Variants in NAT1 observed in about 807,000 individuals in gnomAD.
The protein encoded by NAT1 is N-acetyltransferase 1, also known as arylamine N-acetyltransferase 1.
For missense variants in NAT1, 400 were observed against 339.2 expected, an observed-to-expected ratio of 1.18 and a Z score of -1.41; for synonymous variants, 144 against 122.6, an observed-to-expected ratio of 1.17 and a Z score of -1.16.
At chr8:18,183,426 G>T (rs1221257267) in intron 2 of NAT1, among the ~76,000 whole-genome samples, 1 of 152,180 alleles carries the variant, frequency 6.6e-6, no homozygotes, top group Non-Finnish European at 1.5e-5. Flanking sequence ...GTCCCGGTAA[G>T]TCCAAAGTCC....
intron 2 of NAT1, among the ~76,000 whole-genome samples, chr8:18,197,291 T>C (rs914003574): frequency 2.0e-5 from 3 of 152,198 alleles, no homozygotes; most frequent in Admixed American, 6.5e-5. Flanking sequence ...GACACAGATT[T>C]TTTTTATTAT....
intron 2 of NAT1, among the ~76,000 whole-genome samples, chr8:18,174,908 A>G (rs937454788): frequency 3.9e-4 from 60 of 152,180 alleles, no homozygotes; most frequent in African/African-American, 1.2e-3. Context: ...CACAGTCCTC[A>G]AAGGGTTTAC....
intron 2 of NAT1, among the ~76,000 whole-genome samples, chr8:18,170,951 C>G (rs17593975): frequency 0.029 from 4,387 of 152,014 alleles, 82 homozygotes; most frequent in Non-Finnish European, 0.041. Flanking sequence ...ACTTAAGAGG[C>G]CAGGCATCTG....
Position 18,201,664 on chromosome 8 carries a change from T to C in NAT1, n.93-8117T>C, listed in dbSNP as rs573013488. Among the ~76,000 whole-genome samples, 46 of 152,282 alleles carry C rather than the reference T, an allele frequency of 3.0e-4. 1 individual carries two copies. The East Asian group carries it at 7.5e-3, about 25-fold the overall frequency. On this transcript the variant is annotated intron_variant and non_coding_transcript_variant, in intron 2 of 4. Coordinates refer to the NAT1 transcript ENST00000517441. Reference sequence around the variant, plus strand: ...GCTGACCAGCGTGGGCTGACTGGCATTGGGTTGGCCAGCAGCCTCAGGGGG... The same window carrying C: ...GCTGACCAGCGTGGGCTGACTGGCACTGGGTTGGCCAGCAGCCTCAGGGGG...
chr8:18,194,454 G>T (rs1018380915), intron 2 of NAT1, among the ~76,000 whole-genome samples: 2 of 152,172 alleles, frequency 1.3e-5, no homozygotes, highest in African/African-American at 4.8e-5. Flanking sequence ...TTGTGATGGT[G>T]GAGGTCTGTT....
Position 18,202,859 on chromosome 8 carries a change from G to C in NAT1, n.93-6922G>C, listed in dbSNP as rs571681897. On this transcript the variant is annotated intron_variant and non_coding_transcript_variant, in intron 2 of 4. Transcript: ENST00000517441. ...CCCAGCAGGTTGCCACTGCTGGCTT[G>C]GGTGACCGGCTGTTATTCCCTTATT... 4.6e-5 allele frequency among the ~76,000 whole-genome samples: 7 copies of C among 152,228 alleles called. No individual in the cohort carries two copies. The South Asian group carries it at 1.5e-3, about 32-fold the overall frequency.
At chr8:18,217,482 A>G (rs1398442911) in intron 1 of NAT1, among the ~76,000 whole-genome samples, 2 of 152,194 alleles carry the variant, frequency 1.3e-5, no homozygotes, top group Non-Finnish European at 2.9e-5. Context: ...ATACTGAACG[A>G]GTGTTGAGCC....
At chr8:18,209,249 G>A (rs1803873844), upstream of NAT1, among the ~76,000 whole-genome samples, 3 of 152,222 alleles carry the variant, frequency 2.0e-5, no homozygotes, top group South Asian at 6.2e-4. Flanking sequence ...ATAGAGTCCC[G>A]AGTTCACGTG....
chr8:18,170,783 T>C (rs1802067336), intron 2 of NAT1: 1 of 152,222 alleles, frequency 6.6e-6, no homozygotes, highest in African/African-American at 2.4e-5. Flanking sequence ...ATCTCTTTTC[T>C]GGGCCTGAAT....
chr8:18,176,230 A>G (rs754902993), intron 2 of NAT1, among the ~76,000 whole-genome samples: 11 of 151,946 alleles, frequency 7.2e-5, no homozygotes, highest in Admixed American at 4.6e-4. Flanking sequence ...CAATTTGTCC[A>G]CTTTTGCTCT....
At chr8:18,211,812 G>GGAAAA (rs10539622) in intron 1 of NAT1, among the ~76,000 whole-genome samples, 42 of 150,432 alleles carry the variant, frequency 2.8e-4, no homozygotes, top group East Asian at 6.0e-4. Context: ...AGAAGGAATA[G>GGAAAA]GAAAAGAAAA....
intron 2 of NAT1, among the ~76,000 whole-genome samples, chr8:18,177,369 T>C (rs1336282864): frequency 6.6e-6 from 1 of 152,126 alleles, no homozygotes; most frequent in Non-Finnish European, 1.5e-5. Context: ...TATAGTTATA[T>C]GAGCATTAGT....
At chr8:18,204,499 A>G (rs1019464200) in intron 2 of NAT1, among the ~76,000 whole-genome samples, 3 of 152,244 alleles carry the variant, frequency 2.0e-5, no homozygotes, top group African/African-American at 7.2e-5. Flanking sequence ...TTAAAAACTG[A>G]AACATTACTT....
intron 2 of NAT1, among the ~76,000 whole-genome samples, chr8:18,184,635 T>C (rs1369880063): frequency 6.6e-6 from 1 of 152,214 alleles, no homozygotes; most frequent in Middle Eastern, 3.2e-3. Context: ...TGAATGTTTG[T>C]CCCTTCCCAA....
chr8:18,220,285 T>A (rs568517092), intron 2 of NAT1, among the ~76,000 whole-genome samples: 1 of 152,102 alleles, frequency 6.6e-6, no homozygotes, highest in East Asian at 1.9e-4. Flanking sequence ...AGTTGGAAAC[T>A]GGCAATATGG....
chr8:18,209,779 A>G (rs1361967372), upstream of NAT1: 1 of 152,182 alleles, frequency 6.6e-6, no homozygotes, highest in Non-Finnish European at 1.5e-5. Flanking sequence ...TGCCTCCTCT[A>G]GGTTACCAGT....
intron 2 of NAT1, among the ~76,000 whole-genome samples, chr8:18,220,509 T>C (rs1471019880): frequency 6.6e-6 from 1 of 152,174 alleles, no homozygotes; most frequent in African/African-American, 2.4e-5. Context: ...GGCTCTATGA[T>C]GGCAGGTTTA....
chr8:18,220,175 G>A (rs1805137410), intron 2 of NAT1, among the ~76,000 whole-genome samples: 1 of 152,146 alleles, frequency 6.6e-6, no homozygotes, highest in African/African-American at 2.4e-5. Flanking sequence ...TTTAGAGCTT[G>A]ACCAAATGTT....
chr8:18,222,676 A>G lies in NAT1; in HGVS notation c.629A>G (p.Gln210Arg). ...EDFESMNTYL[Q>R]TSPSSVFTSK... ...TTTGAGTCTATGAATACATACCTGC[A>G]GACATCTCCATCATCTGTGTTTACT... The change falls in exon 3 of 3, where the codon CAG (glutamine) becomes CGG (arginine). Residue 210 changes from glutamine to arginine, a missense_variant. Coordinates refer to ENST00000307719, the MANE Select transcript of NAT1 (RefSeq NM_000662.8). 1 of 1,614,052 alleles carries G rather than the reference A, an allele frequency of 6.2e-7. No homozygotes were observed. Among genetic ancestry groups the G allele is most frequent in the Non-Finnish European group, 8.5e-7 (1 of 1,179,998 alleles).
Sources: gnomAD v4.1 joint callset for allele counts (sites outside exome capture counted in the v4.1 genomes callset) on GRCh38, gnomAD v4.1.1 for gene constraint, MANE v1.5 for transcripts, NCBI Gene and HGNC (gene_info 2026-07-23, HGNC 2026-07-21) for gene names.